SSUH2: variants seen among roughly 807,000 people sequenced by gnomAD.
SSUH2 encodes the protein ssu-2 homolog.
A neutral mutation model predicts 55.3 loss-of-function variants in SSUH2; 47 were observed. The observed-to-expected ratio is 0.85, with a 90% CI of 0.67 to 1.08. The LOEUF is 1.08. Among genes scored for constraint, SSUH2 ranks in the 50% least tolerant of loss-of-function variants. SSUH2 has a pLI of 0.00. For missense variants in SSUH2, 535 were observed against 490.7 expected (o/e 1.09, Z -0.85); for synonymous variants, 212 against 191.5 (o/e 1.11, Z -0.89).
At chr3:8,626,100 C>A in intron 9 of SSUH2, 129 bp downstream of exon 9, 1 of 738,320 alleles carries the variant, frequency 1.4e-6, no homozygotes, top group Non-Finnish European at 2.4e-6. Context: ...AATTCTCCCC[C>A]TTCTAAGTCC....
chr3:8,678,018 C>T (rs1316475066), intron 2 of SSUH2, among the ~76,000 whole-genome samples: 1 of 151,786 alleles, frequency 6.6e-6, no homozygotes, highest in Admixed American at 6.5e-5. Context: ...TTTTCTACTC[C>T]CTGCGATATC....
chr3:8,633,822 G>A, intron 3 of SSUH2, 27 bp from the exon 4 acceptor site: 1 of 1,613,214 alleles, frequency 6.2e-7, no homozygotes, highest in Admixed American at 1.7e-5. Flanking sequence ...AGAGAGGCGG[G>A]GGCTTCTGGG....
At chr3:8,680,747 G>A (rs747522442) in intron 1 of SSUH2, among the ~76,000 whole-genome samples, 1 of 151,990 alleles carries the variant, frequency 6.6e-6, no homozygotes, top group African/African-American at 2.4e-5. Flanking sequence ...TCACACAGGG[G>A]TGTATACTTA....
upstream of SSUH2, among the ~76,000 whole-genome samples, chr3:8,645,673 C>T (rs1017525351): frequency 6.6e-6 from 1 of 152,178 alleles, no homozygotes; most frequent in African/African-American, 2.4e-5. Flanking sequence ...CCCAGCAATG[C>T]ACGTGGGATG....
In SSUH2 at chr3:8,680,661, C is replaced by T. The variant is rs576387924; in HGVS notation, c.-1045-812G>A. Reference sequence around the variant, plus strand: ...CCCTCCAGGATCGTGGGTACAACATCCCTGGGGGTTTCCACTTTCTGCCAT... The same window carrying T: ...CCCTCCAGGATCGTGGGTACAACATTCCTGGGGGTTTCCACTTTCTGCCAT... On this transcript the variant is annotated intron_variant, in intron 1 of 18. Transcript: ENST00000317371. 6.1e-4 allele frequency among the ~76,000 whole-genome samples: 93 copies of T among 152,144 alleles called. No homozygotes were observed. In the Middle Eastern group the frequency reaches 0.01, roughly 17 times the overall value.
At chr3:8,638,051 C>T (rs895684319) in intron 1 of SSUH2, among the ~76,000 whole-genome samples, 4 of 152,176 alleles carry the variant, frequency 2.6e-5, no homozygotes, top group African/African-American at 9.7e-5. Flanking sequence ...ACGTTTGGCC[C>T]ATCCCTGACT....
intron 3 of SSUH2, among the ~76,000 whole-genome samples, chr3:8,673,101 TTATTAA>T (rs1266509164): frequency 1.3e-5 from 2 of 152,024 alleles, no homozygotes; most frequent in Non-Finnish European, 2.9e-5. Flanking sequence ...AGTGTTCAGA[TTATTAA>T]TATTAATATT....
At chr3:8,654,564 T>G (rs1702742529) in intron 7 of SSUH2, among the ~76,000 whole-genome samples, 1 of 152,224 alleles carries the variant, frequency 6.6e-6, no homozygotes, top group South Asian at 2.1e-4. Flanking sequence ...CATGTGTGTG[T>G]GTTTCCATAG....
intron 1 of SSUH2, among the ~76,000 whole-genome samples, chr3:8,681,363 C>A (rs1365020225): frequency 1.3e-5 from 2 of 149,122 alleles, no homozygotes; most frequent in Admixed American, 1.3e-4. Flanking sequence ...GAGCCAGCCC[C>A]TTTTTTCCCC....
intron 6 of SSUH2, among the ~76,000 whole-genome samples, chr3:8,662,289 T>A (rs1703569377): frequency 6.6e-6 from 1 of 152,130 alleles, no homozygotes; most frequent in Admixed American, 6.6e-5. Context: ...AAAACCTGTG[T>A]CCCCTAACAG....
chr3:8,680,874 G>GCC (rs1437565453), intron 1 of SSUH2, among the ~76,000 whole-genome samples: 16 of 152,038 alleles, frequency 1.1e-4, no homozygotes, highest in African/African-American at 3.9e-4. Flanking sequence ...ATTATGGGGA[G>GCC]TAATATCATC....
intron 2 of SSUH2, among the ~76,000 whole-genome samples, chr3:8,678,088 C>T (rs1014085988): frequency 2.0e-5 from 3 of 152,086 alleles, no homozygotes; most frequent in Non-Finnish European, 4.4e-5. Flanking sequence ...AGGGCGTGTC[C>T]ACCTTCTGTC....
At chr3:8,630,734 A>C (rs947800449) in intron 6 of SSUH2, 71 bp downstream of exon 6, 8 of 1,308,470 alleles carry the variant, frequency 6.1e-6, no homozygotes, top group Non-Finnish European at 6.9e-6. Flanking sequence ...GAGTTTGAGG[A>C]AACATGCAGT....
At chr3:8,672,453 T>C (rs951713023) in intron 3 of SSUH2, among the ~76,000 whole-genome samples, 1 of 152,104 alleles carries the variant, frequency 6.6e-6, no homozygotes, top group African/African-American at 2.4e-5. Flanking sequence ...ACACTTTCTG[T>C]GATATTGGGA....
chr3:8,662,044 C>A (rs1330300084), intron 6 of SSUH2, among the ~76,000 whole-genome samples: 1 of 152,192 alleles, frequency 6.6e-6, no homozygotes, highest in African/African-American at 2.4e-5. Flanking sequence ...CCACGTGGAA[C>A]TGTGGATCCA....
At chr3:8,670,284 C>T (rs541547444) in intron 5 of SSUH2, among the ~76,000 whole-genome samples, 1 of 152,202 alleles carries the variant, frequency 6.6e-6, no homozygotes, top group South Asian at 2.1e-4. Context: ...TTACAGATCA[C>T]GTCACAAGGT....
upstream of SSUH2, among the ~76,000 whole-genome samples, chr3:8,646,375 A>G (rs539616062): frequency 6.6e-6 from 1 of 152,234 alleles, no homozygotes; most frequent in Non-Finnish European, 1.5e-5. Flanking sequence ...AGCATTTAAA[A>G]GGAACAACCA....
At chr3:8,638,584 T>C (rs940486355) in intron 1 of SSUH2, among the ~76,000 whole-genome samples, 21 of 152,126 alleles carry the variant, frequency 1.4e-4, no homozygotes, top group African/African-American at 3.6e-4. Flanking sequence ...TGTGACACCA[T>C]GTAAGCCACA....
At position 8,625,615 on chromosome 3, in the gene SSUH2, T is replaced by C. The variant is rs758425019; in HGVS notation, c.800A>G (p.His267Arg). 2 of 1,613,862 alleles carry C rather than the reference T, an allele frequency of 1.2e-6. No homozygotes were observed. The highest frequency in any genetic ancestry group is 1.3e-5 in the African/African-American group (1 of 74,918). ...GAGCTCCCTGGGGCAGTTGAGCCGG[T>C]GCTCAGACACAAACTCAAACAAGCT... ...KNSLFEFVSEHRLNCPRELLA... is the reference protein window; with the variant it reads ...KNSLFEFVSERRLNCPRELLA... The change falls in exon 10 of 12, where the codon CAC becomes CGC. Residue 267 changes from histidine to arginine, a missense_variant. By Grantham distance (29) the His-to-Arg change is conservative. Transcript: ENST00000544814.
Sources: gnomAD v4.1 joint callset for allele counts (sites outside exome capture counted in the v4.1 genomes callset) on GRCh38, gnomAD v4.1.1 for gene constraint, MANE v1.5 for transcripts, NCBI Gene and HGNC (gene_info 2026-07-23, HGNC 2026-07-21) for gene names.